The following SLC16A10 variants were observed in gnomAD, a reference collection of about 807,000 sequenced individuals.
SLC16A10 encodes monocarboxylate transporter 10.
SLC16A10 carries 27 observed loss-of-function variants against 40.0 expected under a neutral mutation model. That is an observed-to-expected ratio of 0.67 (90% confidence interval 0.50 to 0.93). The LOEUF (loss-of-function observed/expected upper bound fraction) is 0.93. Among genes scored for constraint, SLC16A10 ranks in the 40% least tolerant of loss-of-function variants. The pLI is 0.00. For missense variants in SLC16A10, 529 were observed against 658.2 expected (o/e 0.80, Z 2.15); for synonymous variants, 213 against 249.8 (o/e 0.85, Z 1.39).
At chr6:111,093,641 G>T (rs1771022719) in intron 1 of SLC16A10, among the ~76,000 whole-genome samples, 1 of 152,222 alleles carries the variant, frequency 6.6e-6, no homozygotes, top group Non-Finnish European at 1.5e-5. Context: ...AGTAGGAAAA[G>T]CGGCCTGCAT....
chr6:111,201,554 G>A (rs1023778704), intron 3 of SLC16A10, among the ~76,000 whole-genome samples: 26 of 152,202 alleles, frequency 1.7e-4, no homozygotes, highest in African/African-American at 6.3e-4. Flanking sequence ...AAGATATATA[G>A]TCTAACTTGT....
intron 4 of SLC16A10, among the ~76,000 whole-genome samples, chr6:111,209,471 A>T (rs909647817): frequency 6.6e-6 from 1 of 151,480 alleles, no homozygotes; most frequent in Admixed American, 6.6e-5. Context: ...TTTTTAAATT[A>T]AAAAAAAATT....
chr6:111,109,065 G>T (rs1771337701), intron 1 of SLC16A10, among the ~76,000 whole-genome samples: 1 of 152,116 alleles, frequency 6.6e-6, no homozygotes, highest in Admixed American at 6.5e-5. Flanking sequence ...TTTAAAATCA[G>T]CTTTATTGAG....
rs1383625566 is a variant in SLC16A10, at chr6:111,172,837, A to G, written c.486A>G (p.Val162=). ...GFVGLMSSSF[V]SSIEPLYLTY... is the part of the protein sequence containing the mutation. ...TTGGGCTCATGTCCAGTTCTTTTGT[A>G]AGGTAAGGACTTGGTTTTTTCATGT... is the stretch of plus-strand genomic sequence containing the variant. Residue 162 remains valine, a splice_region_variant and synonymous_variant, in exon 2 of 6, where the codon GTA becomes GTG. Coordinates refer to ENST00000368851, the MANE Select transcript of SLC16A10 (RefSeq NM_018593.5). The G allele has an allele frequency of 5.0e-6, 8 of 1,613,764 alleles. No individual in the cohort carries two copies. Among genetic ancestry groups the G allele is most frequent in the Non-Finnish European group, 6.8e-6 (8 of 1,179,862 alleles).
chr6:111,113,317 A>C (rs530298235), intron 1 of SLC16A10, among the ~76,000 whole-genome samples: 5 of 152,334 alleles, frequency 3.3e-5, no homozygotes, highest in African/African-American at 9.6e-5. Flanking sequence ...AAGAGTTATC[A>C]CAGTGTGTCC....
At chr6:111,206,170 G>A (rs1490539621) in intron 3 of SLC16A10, among the ~76,000 whole-genome samples, 3 of 148,760 alleles carry the variant, frequency 2.0e-5, no homozygotes, top group Non-Finnish European at 4.4e-5. Flanking sequence ...TCTGCCTCCC[G>A]GGTTCAAGCT....
intron 1 of SLC16A10, among the ~76,000 whole-genome samples, chr6:111,112,463 T>G (rs1583308820): frequency 6.6e-6 from 1 of 152,358 alleles, no homozygotes; most frequent in African/African-American, 2.4e-5. Flanking sequence ...TCATGGAAAG[T>G]CCATGAGTGC....
Position 111,231,015 on chromosome 6 carries a change from A to G in SLC16A10, c.*8780A>G, listed in dbSNP as rs1003447722. ...GCAGTATTTTAGTACTTTTTAAAAA[A>G]TGTATGCTTCTTTTTGAAGACTATA... is the stretch of plus-strand genomic sequence containing the variant. On this transcript the variant is annotated 3_prime_UTR_variant, in exon 6 of 6. Transcript: ENST00000368851. The G allele has an allele frequency of 2.0e-5, 3 of 152,186 alleles. No individual in the cohort carries two copies. Among genetic ancestry groups the G allele is most frequent in the African/African-American group, 7.2e-5 (3 of 41,438 alleles). 9.4% of individuals were successfully genotyped at this position (152,186 alleles called of 1,614,324 possible).
intron 1 of SLC16A10, among the ~76,000 whole-genome samples, chr6:111,168,199 C>T (rs1434277049): frequency 1.3e-5 from 2 of 152,050 alleles, no homozygotes; most frequent in East Asian, 1.9e-4. Flanking sequence ...AGGCTGGTCT[C>T]GAACTCCTGA....
chr6:111,093,483 C>A (rs1219680950), intron 1 of SLC16A10, among the ~76,000 whole-genome samples: 1 of 152,128 alleles, frequency 6.6e-6, no homozygotes, highest in Non-Finnish European at 1.5e-5. Context: ...GAAATTGTTC[C>A]CCCCACACCA....
intron 1 of SLC16A10, among the ~76,000 whole-genome samples, chr6:111,139,683 A>G (rs1413453116): frequency 1.3e-5 from 2 of 152,190 alleles, no homozygotes; most frequent in African/African-American, 4.8e-5. Flanking sequence ...ATTGATGGGC[A>G]TCTAGGTTGA....
chr6:111,142,528 A>G (rs766230402), intron 1 of SLC16A10, among the ~76,000 whole-genome samples: 5 of 152,242 alleles, frequency 3.3e-5, no homozygotes, highest in Non-Finnish European at 7.3e-5. Flanking sequence ...AAACTGAACA[A>G]TAAAAAAGAA....
At chr6:111,185,762 A>G (rs1772884928) in intron 3 of SLC16A10, among the ~76,000 whole-genome samples, 1 of 152,212 alleles carries the variant, frequency 6.6e-6, no homozygotes, top group South Asian at 2.1e-4. Context: ...AGGAAAATGG[A>G]AAAAGGTAAA....
intron 3 of SLC16A10, among the ~76,000 whole-genome samples, chr6:111,194,526 G>T (rs956695031): frequency 6.6e-6 from 1 of 152,164 alleles, no homozygotes; most frequent in South Asian, 2.1e-4. Flanking sequence ...GAAGAACGGG[G>T]TGTCTGAGTG....
At chr6:111,193,203 T>C (rs951694667) in intron 3 of SLC16A10, 4 of 725,182 alleles carry the variant, frequency 5.5e-6, no homozygotes, top group Non-Finnish European at 6.8e-6. Flanking sequence ...CTTCACTTTG[T>C]CCCTACTTTT....
rs766098164 is a variant in SLC16A10, at chr6:111,088,038, G to A, written c.286G>A (p.Val96Met). Residue 96 changes from valine (V) to methionine (M), a missense_variant, in exon 1 of 6, where the codon GTG becomes ATG. Val to Met is a conservative substitution (Grantham distance 21). Transcript: ENST00000368851. ...GIQNACGVLFVSMLETFGSKD... is the reference protein window; with the variant it reads ...GIQNACGVLFMSMLETFGSKD... ...CCAGAACGCTTGCGGGGTGCTCTTC[G>A]TGTCCATGCTGGAAACCTTCGGCTC... The A allele has an allele frequency of 2.5e-6, 4 of 1,608,904 alleles. No individual in the cohort carries two copies. The highest frequency in any genetic ancestry group is 1.7e-5 in the Admixed American group (1 of 59,324).
At chr6:111,115,172 T>G (rs1175900887) in intron 1 of SLC16A10, among the ~76,000 whole-genome samples, 1 of 152,190 alleles carries the variant, frequency 6.6e-6, no homozygotes, top group Non-Finnish European at 1.5e-5. Flanking sequence ...GATGGACAAG[T>G]ATCATGTATT....
At chr6:111,115,896 G>C (rs1771478172) in intron 1 of SLC16A10, among the ~76,000 whole-genome samples, 3 of 152,042 alleles carry the variant, frequency 2.0e-5, no homozygotes, top group Admixed American at 1.3e-4. Flanking sequence ...TCCTCAGGCA[G>C]TGAGGAATCA....
In SLC16A10 at chr6:111,122,758, C is replaced by T. The variant is rs111826030; in HGVS notation, c.343+34663C>T. Among the ~76,000 whole-genome samples the T allele has an allele frequency of 5.6e-3, 857 of 152,188 alleles. 8 individuals carry two copies. The highest frequency in any genetic ancestry group is 7.6e-3 in the Non-Finnish European group (518 of 67,984). ...GGGGGTGGTAAAGCAGTGGTGAGGA[C>T]GATGAGAAGCGACCTCCTTAGCCAG... On this transcript the variant is annotated intron_variant, in intron 1 of 5. Transcript: ENST00000368851.
Sources: allele counts gnomAD v4.1 joint callset (sites outside exome capture counted in the v4.1 genomes callset), GRCh38; gene constraint gnomAD v4.1.1; transcripts MANE v1.5; gene names NCBI Gene and HGNC (gene_info 2026-07-23, HGNC 2026-07-21).